The following BICRAL variants were observed in gnomAD, a reference collection of about 807,000 sequenced individuals.
BICRAL encodes BRD4-interacting chromatin-remodeling complex-associated protein-like.
A neutral mutation model predicts 91.8 loss-of-function variants in BICRAL; 8 were observed. The observed-to-expected ratio is 0.09, with a 90% CI of 0.05 to 0.16. BICRAL has a LOEUF of 0.16. Among genes scored for constraint, BICRAL ranks in the 10% least tolerant of loss-of-function variants. The pLI, the probability that BICRAL is intolerant of heterozygous loss-of-function variation, is 1.00. For synonymous variants in BICRAL, 445 were observed against 491.1 expected, an observed-to-expected ratio of 0.91 and a Z score of 1.24; for missense variants, 1,038 against 1,310.9, an observed-to-expected ratio of 0.79 and a Z score of 3.21.
At chr6:42,748,267 G>T (rs1762320337) in intron 1 of BICRAL, among the ~76,000 whole-genome samples, 3 of 152,138 alleles carry the variant, frequency 2.0e-5, no homozygotes, top group Non-Finnish European at 4.4e-5. Flanking sequence ...AAGCTTTAGA[G>T]AAGATTTATT....
intron 1 of BICRAL, among the ~76,000 whole-genome samples, chr6:42,785,878 AC>A (rs1763091343): frequency 6.6e-6 from 1 of 152,180 alleles, no homozygotes; most frequent in African/African-American, 2.4e-5. Context: ...ACGTGGTGAA[AC>A]CCCGTTTCTA....
At chr6:42,860,149 A>C in intron 10 of BICRAL, 113 bp from the exon 11 acceptor site, 1 of 663,448 alleles carries the variant, frequency 1.5e-6, no homozygotes, top group Non-Finnish European at 2.7e-6. Flanking sequence ...AAATTGCCCC[A>C]GATAAGCCAT....
intron 1 of BICRAL, among the ~76,000 whole-genome samples, chr6:42,772,224 AT>A (rs148737526): frequency 0.34 from 51,715 of 151,566 alleles, 9,282 homozygotes; most frequent in African/African-American, 0.44. Context: ...AGGTTTAGAT[AT>A]TTTTTTTTCA....
At chr6:42,843,357 G>C (rs1016781811) in intron 6 of BICRAL, among the ~76,000 whole-genome samples, 2 of 152,132 alleles carry the variant, frequency 1.3e-5, no homozygotes, top group African/African-American at 4.8e-5. Flanking sequence ...AGACCATGGT[G>C]CTGTGGGGAA....
chr6:42,779,060 TAA>T (rs547958898), upstream of BICRAL, among the ~76,000 whole-genome samples: 6 of 151,656 alleles, frequency 4.0e-5, no homozygotes, highest in East Asian at 1.2e-3. Context: ...TCTAAAAAAC[TAA>T]AAAAATTGGC....
At chr6:42,810,888 C>G (rs1466686417) in intron 2 of BICRAL, among the ~76,000 whole-genome samples, 1 of 152,154 alleles carries the variant, frequency 6.6e-6, no homozygotes, top group Non-Finnish European at 1.5e-5. Flanking sequence ...GGGTAGAAAA[C>G]AAAAGGAGGC....
rs138903943 is a variant in BICRAL, at chr6:42,855,906, G to A, written c.2097G>A (p.Thr699=). The change falls in exon 9 of 13, where the codon ACG becomes ACA. Residue 699 remains threonine (T), a synonymous_variant. Coordinates refer to ENST00000314073, the MANE Select transcript of BICRAL (RefSeq NM_001393499.1). ...AAAGGCCTGCTGCGAAACAGCTAAC[G>A]AAAGGAGCTTTGTGAGTTACTCTCG... The part of the protein sequence containing the change: ...GQKRPAAKQL[T]KGAFILQQLQ... The A allele has an allele frequency of 5.2e-5, 84 of 1,613,308 alleles. 1 individual carries two copies. The African/African-American group carries it at 5.5e-4, about 10-fold the overall frequency.
At chr6:42,782,942 T>C (rs975714814) in intron 1 of BICRAL, among the ~76,000 whole-genome samples, 8 of 151,604 alleles carry the variant, frequency 5.3e-5, no homozygotes, top group African/African-American at 1.7e-4. Context: ...TCACATTTTC[T>C]TTCTTCTCGG....
At chr6:42,843,706 AG>A (rs950194850) in intron 6 of BICRAL, among the ~76,000 whole-genome samples, 7 of 152,090 alleles carry the variant, frequency 4.6e-5, no homozygotes, top group African/African-American at 1.7e-4. Context: ...AGGTACCTGT[AG>A]GACAGCCAAA....
chr6:42,747,606 C>G (rs879335731), intron 1 of BICRAL, among the ~76,000 whole-genome samples: 4 of 152,094 alleles, frequency 2.6e-5, no homozygotes, highest in Admixed American at 6.5e-5. Flanking sequence ...CAGTTCATAC[C>G]GTGTGGCAGA....
At chr6:42,855,546 C>CATGATGATGATG (rs113362170) in intron 8 of BICRAL, among the ~76,000 whole-genome samples, 2 of 150,736 alleles carry the variant, frequency 1.3e-5, no homozygotes, top group East Asian at 3.9e-4. Flanking sequence ...TGTCAAAAAA[C>CATGATGATGATG]ATGATGATGA....
At chr6:42,842,930 T>C (rs1764848898) in intron 6 of BICRAL, among the ~76,000 whole-genome samples, 1 of 151,802 alleles carries the variant, frequency 6.6e-6, no homozygotes, top group African/African-American at 2.4e-5. Context: ...CTTGGCTCAC[T>C]GCAAGCTCCG....
At chr6:42,762,984 C>T (rs1474825377) in intron 1 of BICRAL, among the ~76,000 whole-genome samples, 2 of 151,932 alleles carry the variant, frequency 1.3e-5, no homozygotes, top group Non-Finnish European at 2.9e-5. Flanking sequence ...ACTCTTGAAC[C>T]TTAGATTGTA....
intron 6 of BICRAL, among the ~76,000 whole-genome samples, chr6:42,836,619 C>CT (rs962446384): frequency 0.031 from 3,868 of 125,314 alleles, 90 homozygotes; most frequent in African/African-American, 0.054. Flanking sequence ...TGTGTAGTTT[C>CT]TTTTTTTTTT....
At chr6:42,761,837 C>T (rs935661618) in intron 1 of BICRAL, among the ~76,000 whole-genome samples, 3 of 152,006 alleles carry the variant, frequency 2.0e-5, no homozygotes, top group African/African-American at 7.3e-5. Flanking sequence ...TGACTTGAGC[C>T]CAGGAGGTCG....
chr6:42,811,390 A>G (rs886971726), intron 2 of BICRAL, among the ~76,000 whole-genome samples: 4 of 152,234 alleles, frequency 2.6e-5, no homozygotes, highest in Non-Finnish European at 5.9e-5. Context: ...TGGGAGGCCA[A>G]GGCGGGCAGA....
chr6:42,811,255 G>A (rs1488693679), intron 2 of BICRAL, among the ~76,000 whole-genome samples: 1 of 152,188 alleles, frequency 6.6e-6, no homozygotes, highest in Non-Finnish European at 1.5e-5. Flanking sequence ...CCTTACCATA[G>A]CTCAGGGGAG....
intron 5 of BICRAL, 112 bp downstream of exon 5, chr6:42,823,115 T>C (rs1764191693): frequency 1.6e-6 from 1 of 635,368 alleles, no homozygotes; most frequent in African/African-American, 1.9e-5. Flanking sequence ...TTGTCTGTTG[T>C]AATTAATTTA....
chr6:42,817,705 T>TTTTTA (rs1344055152), intron 2 of BICRAL, among the ~76,000 whole-genome samples: 3 of 152,082 alleles, frequency 2.0e-5, no homozygotes, highest in African/African-American at 4.8e-5. Flanking sequence ...TTCAAGAACA[T>TTTTTA]TTTTATTGCC....
Sources: allele counts gnomAD v4.1 joint callset (sites outside exome capture counted in the v4.1 genomes callset), GRCh38; gene constraint gnomAD v4.1.1; transcripts MANE v1.5; gene names NCBI Gene and HGNC (gene_info 2026-07-23, HGNC 2026-07-21).